DENND4C: variants seen among roughly 807,000 people sequenced by gnomAD.
DENND4C encodes the protein DENN domain-containing protein 4C.
DENND4C carries 108 observed loss-of-function variants against 203.0 expected under a neutral mutation model. The ratio of observed to expected loss-of-function variants is 0.53; its 90% CI spans 0.46 to 0.62. The LOEUF is 0.62. DENND4C is among the 20% of genes least tolerant of loss of function. The pLI is 0.00. For missense variants in DENND4C, 2,481 were observed against 2,301.2 expected (o/e 1.08, Z -1.60); for synonymous variants, 871 against 792.4 (o/e 1.10, Z -1.67).
At chr9:19,301,146 C>G (rs1284466154) in intron 9 of DENND4C, among the ~76,000 whole-genome samples, 1 of 151,558 alleles carries the variant, frequency 6.6e-6, no homozygotes, top group African/African-American at 2.4e-5. Flanking sequence ...CCATTGCACT[C>G]CAGCCTGGGC....
chr9:19,298,973 T>C (rs2131295756), intron 7 of DENND4C, among the ~76,000 whole-genome samples: 1 of 152,256 alleles, frequency 6.6e-6, no homozygotes, highest in African/African-American at 2.4e-5. Flanking sequence ...TAATTGTACT[T>C]TAACCAATTA....
chr9:19,355,608 G>T (rs545759640), intron 26 of DENND4C, among the ~76,000 whole-genome samples: 2 of 152,034 alleles, frequency 1.3e-5, no homozygotes, highest in East Asian at 3.9e-4. Context: ...ACCTCACTTG[G>T]TTCTGCATTT....
At position 19,230,804 on chromosome 9, in the gene DENND4C, G is replaced by C. The variant is rs987686043; in HGVS notation, c.-47G>C. On this transcript the variant is annotated 5_prime_UTR_variant, in exon 1 of 33. Transcript: ENST00000434457. The stretch of plus-strand genomic sequence containing the variant: ...CTTGCCCCAGGAAGAAGCCGTGTCG[G>C]GGCTGCGCTGACAGAGGAGCAGGCA... 3.3e-5 allele frequency: 5 copies of C among 152,514 alleles called. No homozygotes were observed. The highest frequency in any genetic ancestry group is 1.2e-4 in the African/African-American group (5 of 41,478). The allele number at this position is 152,514 out of a possible 1,614,324, so 9.4% of individuals were successfully genotyped here.
intron 1 of DENND4C, among the ~76,000 whole-genome samples, chr9:19,231,600 C>A (rs1820582127): frequency 6.6e-6 from 1 of 151,032 alleles, no homozygotes; most frequent in African/African-American, 2.4e-5. Flanking sequence ...CGAAGACCGT[C>A]TTTTATCTGC....
intron 12 of DENND4C, among the ~76,000 whole-genome samples, chr9:19,321,467 AG>A (rs1842860861): frequency 2.0e-5 from 3 of 151,894 alleles, no homozygotes; most frequent in South Asian, 2.1e-4. Context: ...AGCAGATCGA[AG>A]GTTTTTTTTT....
intron 1 of DENND4C, among the ~76,000 whole-genome samples, chr9:19,235,047 C>T (rs1821585915): frequency 6.6e-6 from 1 of 151,804 alleles, no homozygotes; most frequent in African/African-American, 2.4e-5. Context: ...TCACTGCAAC[C>T]TCGGCCTCCC....
Position 19,350,730 on chromosome 9 carries a change from C to T in DENND4C, c.4346C>T (p.Pro1449Leu). Residue 1449 changes from proline to leucine, a missense_variant, in exon 24 of 33, where the codon CCA becomes CTA. Transcript: ENST00000434457. ...EEETNRDYSF[P>L]AGLEDHILGE... The stretch of plus-strand genomic sequence containing the variant: ...GAAACTAATAGAGACTACAGCTTCC[C>T]AGCTGGCCTAGAAGACCATATTTTG... 2 of 1,613,008 alleles carry T rather than the reference C, an allele frequency of 1.2e-6. No homozygotes were observed. Among genetic ancestry groups the T allele is most frequent in the Non-Finnish European group, 1.7e-6 (2 of 1,179,698 alleles).
Position 19,334,998 on chromosome 9 carries a change from C to A in DENND4C, c.2482C>A (p.Gln828Lys). Residue 828 changes from glutamine (Q) to lysine (K), a missense_variant, in exon 18 of 33, where the codon CAG (glutamine) becomes AAG (lysine). Around this residue, in one of 3 missense-constraint regions of DENND4C, gnomAD observed 2,289 missense variants for 2,113.3 expected, o/e 1.08. Transcript: ENST00000434457. ...LDEVCYRVVMQLCGLWGHPVL... is the reference protein window; with the variant it reads ...LDEVCYRVVMKLCGLWGHPVL... ...TTAGGTGTGCTATCGAGTAGTGATGCAGCTTTGTGGACTTTGGGGTCATCC... is the reference window on the plus strand; with the variant it reads ...TTAGGTGTGCTATCGAGTAGTGATGAAGCTTTGTGGACTTTGGGGTCATCC... 1 of 1,604,920 alleles carries A rather than the reference C, an allele frequency of 6.2e-7. No homozygotes were observed. The highest frequency in any genetic ancestry group is 1.1e-5 in the South Asian group (1 of 89,106).
chr9:19,315,341 C>T (rs965659857), intron 10 of DENND4C, among the ~76,000 whole-genome samples: 6 of 151,866 alleles, frequency 4.0e-5, no homozygotes, highest in African/African-American at 1.5e-4. Context: ...TGGTGTTACT[C>T]TGGGTTTTCA....
chr9:19,356,849 C>A, intron 26 of DENND4C, 123 bp from the exon 27 acceptor site: 6 of 865,956 alleles, frequency 6.9e-6, no homozygotes, highest in East Asian at 2.8e-5. Flanking sequence ...CCGTGTTTTC[C>A]TTCTGGATTA....
intron 12 of DENND4C, among the ~76,000 whole-genome samples, chr9:19,320,859 A>G (rs1357951919): frequency 6.6e-6 from 1 of 152,344 alleles, no homozygotes; most frequent in Non-Finnish European, 1.5e-5. Flanking sequence ...ACTAGAAGGA[A>G]AGAAAGCCTT....
At chr9:19,353,053 G>T (rs1479782393) in intron 26 of DENND4C, among the ~76,000 whole-genome samples, 3 of 152,084 alleles carry the variant, frequency 2.0e-5, no homozygotes, top group African/African-American at 4.8e-5. Flanking sequence ...GGAGGATCGC[G>T]TGAGCCCAGG....
In DENND4C at chr9:19,316,486, C is replaced by G. The variant is rs778506259; in HGVS notation, c.1557C>G (p.Thr519=). Residue 519 remains threonine, a synonymous_variant, in exon 11 of 33, where the codon ACC becomes ACG. Transcript: ENST00000434457. Reference sequence around the variant, plus strand: ...AGCCGTGCAAAAATCTACTTAGCACCTTAAAGAAATTGTATCCCCAGCTGT... The same window carrying G: ...AGCCGTGCAAAAATCTACTTAGCACGTTAAAGAAATTGTATCCCCAGCTGT... ...PKKPCKNLLS[T]LKKLYPQLSS... is the part of the protein sequence containing the mutation. The G allele has an allele frequency of 6.2e-7, 1 of 1,613,686 alleles. No individual in the cohort carries two copies.
At chr9:19,354,273 A>G (rs1305679789) in intron 26 of DENND4C, among the ~76,000 whole-genome samples, 1 of 152,182 alleles carries the variant, frequency 6.6e-6, no homozygotes, top group Non-Finnish European at 1.5e-5. Flanking sequence ...GTAGTAATGC[A>G]GTGCACTGCA....
At chr9:19,312,894 T>G (rs1298956770) in intron 10 of DENND4C, among the ~76,000 whole-genome samples, 1 of 152,232 alleles carries the variant, frequency 6.6e-6, no homozygotes, top group Non-Finnish European at 1.5e-5. Flanking sequence ...GGTATATCTT[T>G]TCCCATCCCT....
intron 1 of DENND4C, among the ~76,000 whole-genome samples, chr9:19,236,829 G>A (rs951454259): frequency 6.6e-6 from 1 of 152,098 alleles, no homozygotes; most frequent in South Asian, 2.1e-4. Flanking sequence ...CCCTCAGAGC[G>A]TTTGCATATA....
intron 22 of DENND4C, among the ~76,000 whole-genome samples, chr9:19,344,923 C>T (rs1452003460): frequency 2.0e-5 from 3 of 152,156 alleles, no homozygotes; most frequent in Non-Finnish European, 4.4e-5. Flanking sequence ...TTCCAGGTTG[C>T]AGAGTGCTAA....
At chr9:19,283,674 C>T (rs1005982101) in intron 2 of DENND4C, among the ~76,000 whole-genome samples, 2 of 148,526 alleles carry the variant, frequency 1.3e-5, no homozygotes, top group African/African-American at 5.0e-5. Flanking sequence ...TGCAATGACC[C>T]GATCTTGGCT....
At position 19,282,715 on chromosome 9, in the gene DENND4C, C is replaced by CTTTTTTTTTTTTTTTTT. The variant is rs1554717864; in HGVS notation, c.306-4051_306-4035dup. Among the ~76,000 whole-genome samples, 44 of 86,660 alleles carry CTTTTTTTTTTTTTTTTT rather than the reference C, an allele frequency of 5.1e-4. 2 individuals carry two copies. Among genetic ancestry groups the CTTTTTTTTTTTTTTTTT allele is most frequent in the African/African-American group, 1.9e-3 (42 of 22,624 alleles). 56.9% of individuals were successfully genotyped at this position (86,660 alleles called of 152,430 possible). On this transcript the variant is annotated intron_variant, in intron 2 of 32. Transcript: ENST00000434457. ...TTTTCTTTTTCTTTTTTTCTTCTCT[C>CTTTTTTTTTTTTTTTTT]TTTTTTTTTTTTTTTTTTTGAGACA...
Sources: gnomAD v4.1 joint callset for allele counts (sites outside exome capture counted in the v4.1 genomes callset) on GRCh38, gnomAD v4.1.1 for gene constraint, gnomAD v4.1.1 regional missense constraint, MANE v1.5 for transcripts, NCBI Gene and HGNC (gene_info 2026-07-23, HGNC 2026-07-21) for gene names.